CWF19L2: variants seen among roughly 807,000 people sequenced by gnomAD.
CWF19L2 encodes the protein CWF19-like protein 2.
In CWF19L2, 98 loss-of-function variants were observed where a neutral mutation model predicts 111.7. That is an observed-to-expected ratio of 0.88 (90% CI 0.75 to 1.04). The LOEUF (loss-of-function observed/expected upper bound fraction) is 1.04, where lower values mean the gene tolerates loss of function less well. CWF19L2 is among the 50% of genes least tolerant of loss of function. The pLI, the probability that CWF19L2 is intolerant of heterozygous loss-of-function variation, is 0.00. For missense variants in CWF19L2, 1,101 were observed against 1,051.4 expected (o/e 1.05, Z -0.65); for synonymous variants, 351 against 342.9 (o/e 1.02, Z -0.26).
chr11:107,405,879 T>C lies in CWF19L2; in HGVS notation c.1617+10330A>G, dbSNP rs1861070670. Among the ~76,000 whole-genome samples the C allele has an allele frequency of 1.4e-5, 2 of 145,690 alleles. 1 individual carries two copies. The highest frequency in any genetic ancestry group is 4.3e-4 in the South Asian group (2 of 4,642). ...AAGAAGAAGAAGAAGATAATGCAAA[T>C]TAAGAAATTTTATTTATTTACATAA... On this transcript the variant is annotated intron_variant, in intron 10 of 17. Transcript: ENST00000282251.
chr11:107,435,706 T>C (rs186014097), intron 6 of CWF19L2, among the ~76,000 whole-genome samples: 1 of 152,208 alleles, frequency 6.6e-6, no homozygotes, highest in African/African-American at 2.4e-5. Flanking sequence ...ATGGCAATAA[T>C]GAAGTCTTTT....
chr11:107,455,831 C>T, intron 1 of CWF19L2, 55 bp from the exon 2 acceptor site: 5 of 1,065,560 alleles, frequency 4.7e-6, no homozygotes, highest in Non-Finnish European at 6.9e-6. Context: ...CTGGGTTTCA[C>T]AAAAAAAGGA....
chr11:107,336,138 T>C (rs1859920231), intron 15 of CWF19L2, among the ~76,000 whole-genome samples: 1 of 151,782 alleles, frequency 6.6e-6, no homozygotes, highest in Non-Finnish European at 1.5e-5. Flanking sequence ...GGAGAATTGC[T>C]TGAATCCAGG....
chr11:107,378,919 C>G (rs1440778973), intron 12 of CWF19L2, among the ~76,000 whole-genome samples: 1 of 152,018 alleles, frequency 6.6e-6, no homozygotes, highest in Non-Finnish European at 1.5e-5. Context: ...CATAGGAAGA[C>G]AAGATTGGTG....
At position 107,443,310 on chromosome 11, in the gene CWF19L2, ATCT is replaced by A. The variant is rs1290455766; in HGVS notation, c.340-264_340-262del. 7.6e-4 allele frequency among the ~76,000 whole-genome samples: 116 copies of A among 152,094 alleles called. 6 individuals are homozygous for A. The East Asian group carries it at 0.021, about 27-fold the overall frequency. On this transcript the variant is annotated intron_variant, in intron 3 of 17. Transcript: ENST00000282251. ...AGCCTGGCAAACATGGTGAAACACCATCTCTACTAAAAATACAAAAAAGTTAGC... is the reference window on the plus strand; with the variant it reads ...AGCCTGGCAAACATGGTGAAACACCACTACTAAAAATACAAAAAAGTTAGC...
At chr11:107,432,518 G>A (rs1464977019) in intron 7 of CWF19L2, among the ~76,000 whole-genome samples, 1 of 152,214 alleles carries the variant, frequency 6.6e-6, no homozygotes, top group East Asian at 1.9e-4. Context: ...AGGAGGCAGA[G>A]GTTGCAGTGA....
intron 12 of CWF19L2, among the ~76,000 whole-genome samples, chr11:107,381,441 T>G (rs1408567155): frequency 6.6e-6 from 1 of 152,198 alleles, no homozygotes. Flanking sequence ...TCAATATTTA[T>G]CTTATTCGGT....
At chr11:107,446,261 C>T (rs1861701041) in intron 3 of CWF19L2, among the ~76,000 whole-genome samples, 2 of 152,176 alleles carry the variant, frequency 1.3e-5, no homozygotes, top group South Asian at 4.1e-4. Flanking sequence ...CATTCACCCC[C>T]TCCTCTTGTT....
chr11:107,424,514 G>A lies in CWF19L2; in HGVS notation c.1433+4285C>T, dbSNP rs113583665. 2.1e-3 allele frequency among the ~76,000 whole-genome samples: 310 copies of A among 150,192 alleles called. 3 individuals are homozygous for A. Among genetic ancestry groups the A allele is most frequent in the South Asian group, 0.019 (88 of 4,754 alleles). ...AAGTTTGTTATTATCCATCCAAAGCGCACATCTTTGTCATTTTACTTTCCT... is the reference window on the plus strand; with the variant it reads ...AAGTTTGTTATTATCCATCCAAAGCACACATCTTTGTCATTTTACTTTCCT... On this transcript the variant is annotated intron_variant, in intron 8 of 17. Coordinates refer to ENST00000282251, the MANE Select transcript of CWF19L2 (RefSeq NM_152434.3).
chr11:107,451,314 CAACAGTGCTATGAGAAAATTTTAT>C (rs1316753612), intron 3 of CWF19L2, among the ~76,000 whole-genome samples: 2 of 151,960 alleles, frequency 1.3e-5, no homozygotes, highest in Admixed American at 1.3e-4. Flanking sequence ...CGTAGAGATA[CAACAGTGCTATGAGAAAATTTTAT>C]AAAATAAATA....
At chr11:107,404,507 T>C (rs1861050648) in intron 10 of CWF19L2, 1 of 731,144 alleles carries the variant, frequency 1.4e-6, no homozygotes, top group Non-Finnish European at 2.6e-6. Flanking sequence ...GTATGGACTG[T>C]ATCCCACAAA....
chr11:107,332,725 A>T (rs1257614937), intron 16 of CWF19L2, among the ~76,000 whole-genome samples: 1 of 152,142 alleles, frequency 6.6e-6, no homozygotes, highest in Non-Finnish European at 1.5e-5. Flanking sequence ...TTTTGAAAAG[A>T]TAATGGAAAG....
intron 10 of CWF19L2, among the ~76,000 whole-genome samples, chr11:107,409,368 G>A (rs1340742815): frequency 6.6e-6 from 1 of 151,994 alleles, no homozygotes; most frequent in African/African-American, 2.4e-5. Context: ...TAAAGAGAAT[G>A]TCCATAAACC....
chr11:107,441,738 C>G, intron 4 of CWF19L2, 116 bp from the exon 5 acceptor site: 1 of 1,042,072 alleles, frequency 9.6e-7, no homozygotes, highest in Non-Finnish European at 1.3e-6. Context: ...GCAATCAAAC[C>G]TGAAACAAGT....
At position 107,405,693 on chromosome 11, in the gene CWF19L2, G is replaced by A. The variant is rs538905602; in HGVS notation, c.1617+10516C>T. Among the ~76,000 whole-genome samples, 3 of 152,178 alleles carry A rather than the reference G, an allele frequency of 2.0e-5. No homozygotes were observed. The South Asian group carries it at 6.2e-4, about 32-fold the overall frequency. ...AGGGAAAGAAATGAGATGAGCCCTAGGATGGCCACAGCTTTCTACTAAGAG... is the reference window on the plus strand; with the variant it reads ...AGGGAAAGAAATGAGATGAGCCCTAAGATGGCCACAGCTTTCTACTAAGAG... On this transcript the variant is annotated intron_variant, in intron 10 of 17. Coordinates refer to ENST00000282251, the MANE Select transcript of CWF19L2 (RefSeq NM_152434.3).
chr11:107,456,772 C>T (rs1017291811), intron 1 of CWF19L2, among the ~76,000 whole-genome samples: 1 of 151,838 alleles, frequency 6.6e-6, no homozygotes, highest in Admixed American at 6.6e-5. Context: ...TGGTTATATA[C>T]CAAACAGAAA....
In CWF19L2 at chr11:107,441,579, A is replaced by T. The variant is rs1861619103; in HGVS notation, c.494T>A (p.Val165Glu). 6.5e-7 allele frequency: 1 copy of T among 1,546,598 alleles called. No individual in the cohort carries two copies. Residue 165 changes from valine (V) to glutamate (E), a missense_variant, in exon 5 of 18, where the codon GTG becomes GAG. Val to Glu is a moderately radical substitution (Grantham distance 121). Coordinates refer to ENST00000282251, the MANE Select transcript of CWF19L2 (RefSeq NM_152434.3). ...MTVDFMSVKT[V>E]SSSSLKAEKE... ...TTCAGCTTTGAGTGATGATGATGAC[A>T]CAGTTTTAACAGACATAAAATCAAC... is the stretch of plus-strand genomic sequence containing the variant.
At chr11:107,436,191 G>T in intron 6 of CWF19L2, among the ~76,000 whole-genome samples, 1 of 150,158 alleles carries the variant, frequency 6.7e-6, no homozygotes, top group East Asian at 2.0e-4. Flanking sequence ...ACCCATGAAT[G>T]TACAATAGGA....
intron 6 of CWF19L2, among the ~76,000 whole-genome samples, chr11:107,434,406 T>C (rs1474266691): frequency 1.3e-5 from 2 of 151,936 alleles, no homozygotes; most frequent in Non-Finnish European, 2.9e-5. Flanking sequence ...GCTTTGGATA[T>C]GTGTAAAGAG....
Sources: gnomAD v4.1 joint callset for allele counts (sites outside exome capture counted in the v4.1 genomes callset) on GRCh38, gnomAD v4.1.1 for gene constraint, MANE v1.5 for transcripts, NCBI Gene and HGNC (gene_info 2026-07-23, HGNC 2026-07-21) for gene names.